Variants in GAB2 observed in about 807,000 individuals in gnomAD.
GAB2 encodes the protein GRB2 associated binding protein 2, also known as GRB2-associated-binding protein 2.
A neutral mutation model predicts 65.5 loss-of-function variants in GAB2; 26 were observed. The observed-to-expected ratio is 0.40, with a 90% CI of 0.29 to 0.55. GAB2 has a LOEUF of 0.55. Ranked by LOEUF, GAB2 falls within the 20% of genes least tolerant of loss-of-function variation. GAB2 has a pLI of 0.53. For missense variants in GAB2, 884 were observed against 875.8 expected, an observed-to-expected ratio of 1.01 and a Z score of -0.12; for synonymous variants, 321 against 329.6, an observed-to-expected ratio of 0.97 and a Z score of 0.28.
At chr11:78,276,805 ATTTAT>A (rs994550416) in intron 2 of GAB2, among the ~76,000 whole-genome samples, 2 of 145,434 alleles carry the variant, frequency 1.4e-5, no homozygotes, top group African/African-American at 5.1e-5. Context: ...TGTGATTTTT[ATTTAT>A]TTTATTTATT....
chr11:78,396,552 G>A (rs114888721), intron 1 of GAB2, among the ~76,000 whole-genome samples: 433 of 152,292 alleles, frequency 2.8e-3, no homozygotes, highest in African/African-American at 9.9e-3. Context: ...GAGAAACTCT[G>A]TGGCCATTAA....
intron 6 of GAB2, among the ~76,000 whole-genome samples, chr11:78,222,728 G>A (rs1428457833): frequency 2.0e-5 from 3 of 151,938 alleles, no homozygotes; most frequent in South Asian, 2.1e-4. Context: ...GACTATAGGC[G>A]CCTGCCACCA....
intron 3 of GAB2, among the ~76,000 whole-genome samples, chr11:78,228,510 T>G (rs1343675041): frequency 6.6e-6 from 1 of 152,170 alleles, no homozygotes; most frequent in Non-Finnish European, 1.5e-5. Context: ...CCTGGACCTT[T>G]TGCCTTATAG....
intron 1 of GAB2, among the ~76,000 whole-genome samples, chr11:78,302,462 C>A (rs1867052400): frequency 6.6e-6 from 1 of 151,724 alleles, no homozygotes; most frequent in South Asian, 2.1e-4. Context: ...CAGGCAAATG[C>A]AAATCAAAAC....
intron 3 of GAB2, among the ~76,000 whole-genome samples, chr11:78,229,036 G>A (rs1181504877): frequency 1.3e-5 from 2 of 152,170 alleles, no homozygotes; most frequent in African/African-American, 2.4e-5. Context: ...CCAGTGAGGG[G>A]TGGTCTGGGA....
At chr11:78,359,433 T>C (rs543999054) in intron 1 of GAB2, among the ~76,000 whole-genome samples, 1 of 152,260 alleles carries the variant, frequency 6.6e-6, no homozygotes, top group South Asian at 2.1e-4. Flanking sequence ...AATTTTTCAA[T>C]GTGCTAAGAA....
At chr11:78,413,997 A>C (rs1467130834) in intron 1 of GAB2, among the ~76,000 whole-genome samples, 1 of 150,110 alleles carries the variant, frequency 6.7e-6, no homozygotes, top group African/African-American at 2.4e-5. Flanking sequence ...CTGAGGCAGG[A>C]GAATCGCTTG....
At chr11:78,373,931 G>A (rs1856602985) in intron 1 of GAB2, among the ~76,000 whole-genome samples, 1 of 152,094 alleles carries the variant, frequency 6.6e-6, no homozygotes, top group South Asian at 2.1e-4. Flanking sequence ...ACACACAGTT[G>A]GAATCAACAA....
At chr11:78,411,135 C>T (rs1324557911) in intron 1 of GAB2, among the ~76,000 whole-genome samples, 1 of 128,264 alleles carries the variant, frequency 7.8e-6, no homozygotes, top group Non-Finnish European at 1.6e-5. Flanking sequence ...CTGTGTGACA[C>T]AGCAAGATTC....
At chr11:78,376,735 G>C (rs1449006864) in intron 1 of GAB2, among the ~76,000 whole-genome samples, 1 of 152,126 alleles carries the variant, frequency 6.6e-6, no homozygotes, top group East Asian at 1.9e-4. Flanking sequence ...GGGGGGCACC[G>C]AGACTGTGAC....
At chr11:78,396,328 T>A (rs917055544) in intron 1 of GAB2, among the ~76,000 whole-genome samples, 4 of 152,376 alleles carry the variant, frequency 2.6e-5, no homozygotes, top group East Asian at 3.8e-4. Flanking sequence ...GCAAAATATC[T>A]ACTGTTGTTA....
chr11:78,242,648 T>C (rs1865171721), intron 3 of GAB2, among the ~76,000 whole-genome samples: 1 of 151,444 alleles, frequency 6.6e-6, no homozygotes, highest in Non-Finnish European at 1.5e-5. Flanking sequence ...ACCAAAAAAG[T>C]AGAAAATTTT....
intron 2 of GAB2, among the ~76,000 whole-genome samples, chr11:78,278,068 CTTTTT>C (rs538485770): frequency 2.2e-5 from 3 of 133,846 alleles, no homozygotes; most frequent in Non-Finnish European, 3.3e-5. Context: ...TCTTCCCCTG[CTTTTT>C]TTTTTTTTTT....
chr11:78,338,347 C>T (rs574296080), intron 1 of GAB2, among the ~76,000 whole-genome samples: 338 of 152,120 alleles, frequency 2.2e-3, no homozygotes, highest in Non-Finnish European at 3.8e-3. Flanking sequence ...TTGGAGGTTC[C>T]TGGGAAAGCT....
intron 4 of GAB2, among the ~76,000 whole-genome samples, chr11:78,226,240 C>T (rs1247282907): frequency 1.3e-5 from 2 of 152,196 alleles, no homozygotes; most frequent in East Asian, 3.8e-4. Context: ...AGAACATTAA[C>T]TTCTCTGGGG....
At chr11:78,341,085 G>A (rs1856085469) in intron 1 of GAB2, among the ~76,000 whole-genome samples, 1 of 152,192 alleles carries the variant, frequency 6.6e-6, no homozygotes, top group African/African-American at 2.4e-5. Context: ...GGTGACTCCA[G>A]TTCAGCTAGA....
chr11:78,396,274 C>T (rs1398130997), intron 1 of GAB2, among the ~76,000 whole-genome samples: 1 of 152,186 alleles, frequency 6.6e-6, no homozygotes, highest in East Asian at 1.9e-4. Flanking sequence ...AGACAGGCAT[C>T]AAAGAAGTGC....
chr11:78,223,619 G>T lies in GAB2; in HGVS notation c.1360C>A (p.Pro454Thr), dbSNP rs1864533764. ...DSTNSEDNYV[P>T]MNPGSSTLLA... ...AGGGTGGAAGAACCTGGATTCATGGGCACATAGTTGTCTTCAGAATTGGTG... is the reference window on the plus strand; with the variant it reads ...AGGGTGGAAGAACCTGGATTCATGGTCACATAGTTGTCTTCAGAATTGGTG... Residue 454 changes from proline (P) to threonine (T), a missense_variant, in exon 6 of 10, where the codon CCC becomes ACC. Coordinates refer to ENST00000361507, the MANE Select transcript of GAB2 (RefSeq NM_080491.3). 1 of 1,612,698 alleles carries T rather than the reference G, an allele frequency of 6.2e-7. No homozygotes were observed. Among genetic ancestry groups the T allele is most frequent in the Non-Finnish European group, 8.5e-7 (1 of 1,179,192 alleles).
At chr11:78,222,318 GA>G (rs1300356393) in intron 6 of GAB2, 123 bp from the exon 7 acceptor site, 3 of 677,942 alleles carry the variant, frequency 4.4e-6, no homozygotes, top group Non-Finnish European at 8.1e-6. Flanking sequence ...TTCACACAGG[GA>G]AACTGACGCT....
Sources: gnomAD v4.1 joint callset for allele counts (sites outside exome capture counted in the v4.1 genomes callset) on GRCh38, gnomAD v4.1.1 for gene constraint, MANE v1.5 for transcripts, NCBI Gene and HGNC (gene_info 2026-07-23, HGNC 2026-07-21) for gene names.